The following CUX2 variants were observed in gnomAD, a reference collection of about 807,000 sequenced individuals.
CUX2 encodes homeobox protein cut-like 2.
CUX2 carries 40 observed loss-of-function variants against 144.8 expected under a neutral mutation model. The ratio of observed to expected loss-of-function variants is 0.28; its 90% CI spans 0.21 to 0.36. The LOEUF is 0.36. Among genes scored for constraint, CUX2 ranks in the 10% least tolerant of loss-of-function variants. CUX2 has a pLI of 1.00. For missense variants in CUX2, 1,615 were observed against 1,994.0 expected (o/e 0.81, Z 3.62); for synonymous variants, 827 against 875.6 (o/e 0.94, Z 0.98).
At chr12:111,325,433 C>T (rs1027031566) in intron 18 of CUX2, among the ~76,000 whole-genome samples, 1 of 152,172 alleles carries the variant, frequency 6.6e-6, no homozygotes, top group Non-Finnish European at 1.5e-5. Context: ...ATTTCCATTT[C>T]ACAGATGAGG....
chr12:111,248,724 C>T (rs1256554562), intron 3 of CUX2, among the ~76,000 whole-genome samples: 3 of 152,166 alleles, frequency 2.0e-5, no homozygotes, highest in Non-Finnish European at 4.4e-5. Context: ...AATGCAGACC[C>T]TCAGCCTGTC....
chr12:111,166,403 C>A (rs1878146850), intron 1 of CUX2, among the ~76,000 whole-genome samples: 1 of 152,192 alleles, frequency 6.6e-6, no homozygotes, highest in South Asian at 2.1e-4. Flanking sequence ...CTGACATTAT[C>A]AGTTAGCTGA....
chr12:111,319,942 T>C (rs1887422589), intron 16 of CUX2, 70 bp from the exon 17 acceptor site: 1 of 1,407,918 alleles, frequency 7.1e-7, no homozygotes. Flanking sequence ...ACAGGGATGC[T>C]GTGAACATCG....
intron 3 of CUX2, among the ~76,000 whole-genome samples, chr12:111,237,455 G>C (rs1882814238): frequency 6.6e-6 from 1 of 152,142 alleles, no homozygotes; most frequent in African/African-American, 2.4e-5. Context: ...TGAATGATGG[G>C]CGTCCCCACC....
intron 1 of CUX2, among the ~76,000 whole-genome samples, chr12:111,101,439 C>T (rs1459045536): frequency 6.6e-6 from 1 of 152,222 alleles, no homozygotes; most frequent in South Asian, 2.1e-4. Flanking sequence ...CGGGCTTCTC[C>T]ACAGAGCCAT....
intron 3 of CUX2, among the ~76,000 whole-genome samples, chr12:111,228,155 A>G (rs1882263148): frequency 6.6e-6 from 1 of 152,190 alleles, no homozygotes; most frequent in African/African-American, 2.4e-5. Context: ...CTAAGCTAAA[A>G]GTACAGTGAG....
chr12:111,187,448 G>C (rs1021546240), intron 1 of CUX2, among the ~76,000 whole-genome samples: 24 of 151,782 alleles, frequency 1.6e-4, no homozygotes, highest in Admixed American at 7.2e-4. Flanking sequence ...TGAAATTGCA[G>C]CTCTCTACCA....
chr12:111,172,515 G>C (rs1045738701), intron 1 of CUX2, among the ~76,000 whole-genome samples: 3 of 152,206 alleles, frequency 2.0e-5, no homozygotes, highest in African/African-American at 7.2e-5. Flanking sequence ...GGCCAACACT[G>C]GCTACCTGTT....
intron 20 of CUX2, 132 bp from the exon 21 acceptor site, chr12:111,341,648 G>A (rs1237264841): frequency 4.9e-6 from 5 of 1,025,376 alleles, no homozygotes; most frequent in African/African-American, 3.2e-5. Flanking sequence ...TGGGGGGCGG[G>A]CCTCTAAGCT....
chr12:111,099,725 C>T (rs756680760), intron 1 of CUX2: 29 of 455,932 alleles, frequency 6.4e-5, no homozygotes, highest in Middle Eastern at 3.2e-4. Context: ...GTTTATTGGG[C>T]GCCGAAACTG....
At chr12:111,260,158 C>G (rs1884039826) in intron 3 of CUX2, among the ~76,000 whole-genome samples, 1 of 148,318 alleles carries the variant, frequency 6.7e-6, no homozygotes, top group Non-Finnish European at 1.5e-5. Context: ...GCGAGACTGT[C>G]CAAAAAAAAT....
rs753384514 is a variant in CUX2, at chr12:111,291,281, G to A, written c.302-137G>A. 8.2e-5 allele frequency: 89 copies of A among 1,078,864 alleles called. 1 individual carries two copies. The highest frequency in any genetic ancestry group is 1.1e-4 in the Non-Finnish European group (87 of 771,436). 66.8% of individuals were successfully genotyped at this position (1,078,864 alleles called of 1,614,324 possible). A position where few individuals can be genotyped will look rare whatever the true frequency, so the allele number is the denominator to read the frequency against. Reference sequence around the variant, plus strand: ...GACAAGCCTGCTCCCTCGTAGAGCAGAAAGTCCATGCTACTTCCTGTAAGC... The same window carrying A: ...GACAAGCCTGCTCCCTCGTAGAGCAAAAAGTCCATGCTACTTCCTGTAAGC... On this transcript the variant is annotated intron_variant, in intron 4 of 21. Transcript: ENST00000261726.
chr12:111,280,152 C>T (rs1381725840), intron 4 of CUX2, among the ~76,000 whole-genome samples: 2 of 151,200 alleles, frequency 1.3e-5, no homozygotes, highest in African/African-American at 2.4e-5. Context: ...AGCTGGGCAT[C>T]GTGGCTTACG....
At chr12:111,056,734 T>A (rs935160417) in intron 1 of CUX2, among the ~76,000 whole-genome samples, 2 of 152,258 alleles carry the variant, frequency 1.3e-5, no homozygotes, top group African/African-American at 4.8e-5. Flanking sequence ...CAAGGTCACC[T>A]TGCAGGAAGC....
rs11830764 is a variant in CUX2, at chr12:111,077,216, G to A, written c.63+42976G>A. 6.6e-6 allele frequency among the ~76,000 whole-genome samples: 1 copy of A among 152,044 alleles called. No homozygotes were observed. The highest frequency in any genetic ancestry group is 1.5e-5 in the Non-Finnish European group (1 of 68,022). Reference sequence around the variant, plus strand: ...AAATAGTGCTCCCAAACCCCGCAGCGCCCCCGAGGCCCAAGCTGGCCTCTG... The same window carrying A: ...AAATAGTGCTCCCAAACCCCGCAGCACCCCCGAGGCCCAAGCTGGCCTCTG... On this transcript the variant is annotated intron_variant, in intron 1 of 21. Transcript: ENST00000261726. This position sits in a 1 kb window ranked among gnomAD's most constrained non-coding sequence, Gnocchi z 4.1.
At position 111,322,203 on chromosome 12, in the gene CUX2, A is replaced by G. The variant is rs927066308; in HGVS notation, c.2767-218A>G. On this transcript the variant is annotated intron_variant, in intron 17 of 21. Transcript: ENST00000261726. The surrounding 1 kb of genome is among the most constrained non-coding windows in gnomAD (Gnocchi z 4.2). The stretch of plus-strand genomic sequence containing the variant: ...CGTGCACCAGCCTGGTACAAGTCCC[A>G]ACTACTAAGGAGGCTGAGGCAGGAG... 6.6e-6 allele frequency among the ~76,000 whole-genome samples: 1 copy of G among 151,910 alleles called. No homozygotes were observed. Among genetic ancestry groups the G allele is most frequent in the Non-Finnish European group, 1.5e-5 (1 of 67,984 alleles).
In CUX2 at chr12:111,328,941, A is replaced by ATCTCTCTCTCTCTCTCTCTCTCTCTCTC. The variant is rs1227047616; in HGVS notation, c.2927-5493_2927-5466dup. 6.2e-4 allele frequency among the ~76,000 whole-genome samples: 18 copies of ATCTCTCTCTCTCTCTCTCTCTCTCTCTC among 28,992 alleles called. 2 individuals carry two copies. The highest frequency in any genetic ancestry group is 8.2e-4 in the Non-Finnish European group (16 of 19,426). The allele number at this position is 28,992 out of a possible 152,430, so 19.0% of individuals were successfully genotyped here. A position where few individuals can be genotyped will look rare whatever the true frequency, so the allele number is the denominator to read the frequency against. ...CACTCTGCATTTTTTTGATTCACCT[A>ATCTCTCTCTCTCTCTCTCTCTCTCTCTC]TCTCTCTCTCTCTCTCTCTCTCTCT... On this transcript the variant is annotated intron_variant, in intron 18 of 21. Transcript: ENST00000261726.
At chr12:111,256,608 G>A (rs1883830469) in intron 3 of CUX2, among the ~76,000 whole-genome samples, 2 of 152,098 alleles carry the variant, frequency 1.3e-5, no homozygotes, top group Admixed American at 1.3e-4. Flanking sequence ...TCGATGGCAG[G>A]TCCCCCTTTT....
chr12:111,309,653 GTCTCTGTCTC>G (rs1456139968), intron 14 of CUX2, among the ~76,000 whole-genome samples: 1 of 135,072 alleles, frequency 7.4e-6, no homozygotes, highest in Non-Finnish European at 1.5e-5. Context: ...CTCTATATAT[GTCTCTGTCTC>G]TCTCTGTCTC....
Sources: allele counts gnomAD v4.1 joint callset (sites outside exome capture counted in the v4.1 genomes callset), GRCh38; gene constraint gnomAD v4.1.1; non-coding constraint Gnocchi (gnomAD v3.1); transcripts MANE v1.5; gene names NCBI Gene and HGNC (gene_info 2026-07-23, HGNC 2026-07-21).